DOCK9: variants seen among roughly 807,000 people sequenced by gnomAD.
DOCK9 encodes the protein dedicator of cytokinesis protein 9.
A neutral mutation model predicts 263.3 loss-of-function variants in DOCK9; 89 were observed. The ratio of observed to expected loss-of-function variants is 0.34; its 90% CI spans 0.28 to 0.40. The LOEUF (loss-of-function observed/expected upper bound fraction) is 0.40. DOCK9 is among the 10% of genes least tolerant of loss of function. The pLI, the probability that DOCK9 is intolerant of heterozygous loss-of-function variation, is 1.00. For missense variants in DOCK9, 2,140 were observed against 2,603.4 expected (o/e 0.82, Z 3.87); for synonymous variants, 976 against 973.1 (o/e 1.00, Z -0.06).
rs1190437367 is a variant in DOCK9, at chr13:98,863,152, G to A, written c.3466-20C>T. Reference sequence around the variant, plus strand: ...ATGGCTCTGAAAAGAAGACACACATGGTAAGTTTGACCCAGGATTCTGAGA... The same window carrying A: ...ATGGCTCTGAAAAGAAGACACACATAGTAAGTTTGACCCAGGATTCTGAGA... On this transcript the variant is annotated intron_variant, in intron 31 of 52. Coordinates refer to ENST00000682017, the MANE Select transcript of DOCK9 (RefSeq NM_001366683.2). 47 of 1,584,424 alleles carry A rather than the reference G, an allele frequency of 3.0e-5. No individual in the cohort carries two copies. The East Asian group carries it at 1.1e-3, about 36-fold the overall frequency.
chr13:99,029,126 A>G (rs1239920971), intron 1 of DOCK9, among the ~76,000 whole-genome samples: 3 of 152,220 alleles, frequency 2.0e-5, no homozygotes, highest in African/African-American at 7.2e-5. Flanking sequence ...CCAGGGCAGC[A>G]GCAGTTCCTT....
At chr13:98,845,045 T>A (rs2141326887) in intron 38 of DOCK9, among the ~76,000 whole-genome samples, 2 of 152,318 alleles carry the variant, frequency 1.3e-5, no homozygotes, top group South Asian at 4.1e-4. Context: ...TTATAAATGA[T>A]CTCATCAATT....
chr13:98,809,187 T>C (rs1555338334), intron 47 of DOCK9, 165 bp downstream of exon 47: 1 of 1,385,124 alleles, frequency 7.2e-7, no homozygotes, highest in Admixed American at 2.1e-5. Flanking sequence ...AGTTTACTAC[T>C]GAGGAAGATA....
chr13:98,794,857 G>C, intron 52 of DOCK9, 109 bp from the exon 53 acceptor site: 2 of 1,270,028 alleles, frequency 1.6e-6, no homozygotes, highest in South Asian at 1.4e-5. Flanking sequence ...ATGTTACAGA[G>C]TTTAAGGCAA....
chr13:98,825,744 G>T lies in DOCK9; in HGVS notation c.5023+1086C>A, dbSNP rs2092500214. 7.1e-6 allele frequency: 4 copies of T among 564,010 alleles called. No homozygotes were observed. The highest frequency in any genetic ancestry group is 1.1e-5 in the Non-Finnish European group (4 of 347,906). The allele number at this position is 564,010 out of a possible 1,614,324, so 34.9% of individuals were successfully genotyped here. The stretch of plus-strand genomic sequence containing the variant: ...CAGGAATAGACCAGCCAACCAGAGA[G>T]CCACAGAGTAGGAGGGAAGGAGAGT... On this transcript the variant is annotated intron_variant, in intron 44 of 52. Coordinates refer to ENST00000682017, the MANE Select transcript of DOCK9 (RefSeq NM_001366683.2). The surrounding 1 kb of genome is among the most constrained non-coding windows in gnomAD (Gnocchi z 4.1).
At position 98,810,094 on chromosome 13, in the gene DOCK9, C is replaced by T. The variant is rs1226051919; in HGVS notation, c.5253+75G>A. 1.9e-6 allele frequency: 3 copies of T among 1,591,632 alleles called. No individual in the cohort carries two copies. The Admixed American group carries it at 5.1e-5, about 27-fold the overall frequency. ...GGCCCATGGCCTGCTTCCTCTCTCA[C>T]ATATATGCAGGTCTGGGTATATGTC... On this transcript the variant is annotated intron_variant, in intron 46 of 52. Coordinates refer to ENST00000682017, the MANE Select transcript of DOCK9 (RefSeq NM_001366683.2).
chr13:98,824,335 A>G, intron 45 of DOCK9, 63 bp downstream of exon 45: 1 of 1,463,444 alleles, frequency 6.8e-7, no homozygotes, highest in Non-Finnish European at 9.6e-7. Context: ...TGCACTAGCA[A>G]TGCAAACAGC....
At chr13:98,932,022 C>T (rs1355141732) in intron 2 of DOCK9, among the ~76,000 whole-genome samples, 15 of 152,304 alleles carry the variant, frequency 9.8e-5, no homozygotes, top group South Asian at 2.1e-4. Flanking sequence ...CCACCATGCC[C>T]GGCCTGGGCT....
intron 1 of DOCK9, among the ~76,000 whole-genome samples, chr13:99,044,507 C>T (rs943274061): frequency 6.6e-6 from 1 of 152,166 alleles, no homozygotes; most frequent in African/African-American, 2.4e-5. Context: ...TCAGGACCAC[C>T]ACACCATGGC....
rs149809221 is a variant in DOCK9, at chr13:99,023,563, C to T, written c.129+62660G>A. ...TTCTGGAGATGAATGGTGATGATGG[C>T]TGCACAGCAATGTGAATGTACCGAG... On this transcript the variant is annotated intron_variant, in intron 1 of 32. Transcript: ENST00000427887. 4.9e-4 allele frequency among the ~76,000 whole-genome samples: 75 copies of T among 152,308 alleles called. No homozygotes were observed. In the East Asian group the frequency reaches 8.9e-3, roughly 18 times the overall value.
chr13:98,889,018 T>C (rs1325814037), intron 15 of DOCK9, among the ~76,000 whole-genome samples: 2 of 152,214 alleles, frequency 1.3e-5, no homozygotes, highest in Non-Finnish European at 2.9e-5. Context: ...AATTCAGACG[T>C]CCTGTATTTC....
At chr13:98,854,486 C>T (rs141814668) in intron 34 of DOCK9, 52 of 151,628 alleles carry the variant, frequency 3.4e-4, no homozygotes, top group African/African-American at 1.2e-3. Context: ...CAAAAAAATA[C>T]AGGGGAAATT....
At chr13:98,831,007 A>C (rs1438743541) in intron 41 of DOCK9, among the ~76,000 whole-genome samples, 1 of 152,230 alleles carries the variant, frequency 6.6e-6, no homozygotes, top group African/African-American at 2.4e-5. Context: ...TAGAGGACAG[A>C]AAAGAACCAC....
chr13:98,798,499 C>G (rs780406677), intron 50 of DOCK9, among the ~76,000 whole-genome samples: 2 of 151,994 alleles, frequency 1.3e-5, no homozygotes, highest in Non-Finnish European at 2.9e-5. Context: ...CAGGCTGGTG[C>G]GTGGGGGGAA....
intron 1 of DOCK9, among the ~76,000 whole-genome samples, chr13:99,038,598 G>A (rs1888171792): frequency 6.6e-6 from 1 of 152,000 alleles, no homozygotes; most frequent in African/African-American, 2.4e-5. Flanking sequence ...GAGCCACCAC[G>A]TCCGGCTTAT....
chr13:98,810,456 G>A (rs1169054192), intron 45 of DOCK9, among the ~76,000 whole-genome samples, 165 bp from the exon 46 acceptor site: 1 of 152,056 alleles, frequency 6.6e-6, no homozygotes, highest in Non-Finnish European at 1.5e-5. Context: ...CTTTTTTAGG[G>A]AGCCATTTTT....
At chr13:98,995,441 G>A (rs1392393601) in intron 1 of DOCK9, among the ~76,000 whole-genome samples, 1 of 151,528 alleles carries the variant, frequency 6.6e-6, no homozygotes, top group East Asian at 1.9e-4. Context: ...AGTAGAGGAT[G>A]CGTAACTAGT....
At chr13:98,985,905 G>A (rs1878345421) in intron 1 of DOCK9, among the ~76,000 whole-genome samples, 1 of 152,246 alleles carries the variant, frequency 6.6e-6, no homozygotes, top group Admixed American at 6.5e-5. Context: ...TAGAATAAAT[G>A]ATGAAGGTGC....
intron 37 of DOCK9, chr13:98,846,589 G>A: frequency 7.4e-7 from 1 of 1,349,958 alleles, no homozygotes; most frequent in South Asian, 1.1e-5. Flanking sequence ...AAACAGAAGA[G>A]TGATTTGGGT....
Sources: allele counts gnomAD v4.1 joint callset (sites outside exome capture counted in the v4.1 genomes callset), GRCh38; gene constraint gnomAD v4.1.1; non-coding constraint Gnocchi (gnomAD v3.1); transcripts MANE v1.5; gene names NCBI Gene and HGNC (gene_info 2026-07-23, HGNC 2026-07-21).